ANKRD30BL: variants seen among roughly 807,000 people sequenced by gnomAD.
ANKRD30BL encodes the protein ankyrin repeat domain 30B like, also known as putative ankyrin repeat domain-containing protein 30B-like.
ANKRD30BL carries 20 observed loss-of-function variants against 18.4 expected under a neutral mutation model. The ratio of observed to expected loss-of-function variants is 1.09; its 90% CI spans 0.77 to 1.58. The LOEUF (loss-of-function observed/expected upper bound fraction) is 1.58. Among genes scored for constraint, ANKRD30BL ranks in the 40% most tolerant of loss-of-function variants. The pLI is 0.00. For missense variants in ANKRD30BL, 224 were observed against 268.6 expected, an observed-to-expected ratio of 0.83 and a Z score of 1.16; for synonymous variants, 72 against 100.9, an observed-to-expected ratio of 0.71 and a Z score of 1.72.
At chr2:132,192,685 C>G (rs538682133) in intron 1 of ANKRD30BL, among the ~76,000 whole-genome samples, 1 of 152,336 alleles carries the variant, frequency 6.6e-6, no homozygotes, top group Non-Finnish European at 1.5e-5. Flanking sequence ...TTTGCACCAG[C>G]AACCTTCCTT....
chr2:132,177,160 T>A (rs1573818043), intron 1 of ANKRD30BL, among the ~76,000 whole-genome samples: 1 of 152,142 alleles, frequency 6.6e-6, no homozygotes, highest in Admixed American at 6.6e-5. Context: ...CCTATTTTTT[T>A]TTTTTTATTT....
intron 1 of ANKRD30BL, among the ~76,000 whole-genome samples, chr2:132,252,871 C>G (rs1311067975): frequency 2.6e-5 from 4 of 152,176 alleles, no homozygotes; most frequent in African/African-American, 9.6e-5. Context: ...ATGGTGGCCA[C>G]AGGAACTCGG....
intron 1 of ANKRD30BL, among the ~76,000 whole-genome samples, chr2:132,233,603 T>C (rs1466493025): frequency 2.0e-5 from 3 of 150,914 alleles, no homozygotes; most frequent in African/African-American, 7.3e-5. Flanking sequence ...CATTACATAA[T>C]GGTAAAGGGA....
At chr2:132,174,631 G>A (rs1688331592) in intron 1 of ANKRD30BL, among the ~76,000 whole-genome samples, 1 of 152,200 alleles carries the variant, frequency 6.6e-6, no homozygotes, top group African/African-American at 2.4e-5. Context: ...AGGGCTACAA[G>A]AGGCGGCTAA....
intron 1 of ANKRD30BL, among the ~76,000 whole-genome samples, chr2:132,169,667 A>G (rs1688245462): frequency 6.9e-6 from 1 of 145,420 alleles, no homozygotes; most frequent in Non-Finnish European, 1.5e-5. Context: ...AAAAAAAAAA[A>G]AGAGGTGAAT....
At chr2:132,218,855 A>G (rs547792956) in intron 1 of ANKRD30BL, among the ~76,000 whole-genome samples, 97 of 152,272 alleles carry the variant, frequency 6.4e-4, no homozygotes, top group Non-Finnish European at 1.1e-3. Context: ...TGATGCGTAC[A>G]TTCAACTAAC....
At chr2:132,196,123 C>T (rs1465144026) in intron 1 of ANKRD30BL, among the ~76,000 whole-genome samples, 2 of 140,992 alleles carry the variant, frequency 1.4e-5, no homozygotes, top group African/African-American at 5.4e-5. Context: ...GCCTGGGCGA[C>T]AGAGCTAGAG....
chr2:132,248,703 A>G (rs1680569869), intron 1 of ANKRD30BL, among the ~76,000 whole-genome samples: 1 of 152,088 alleles, frequency 6.6e-6, no homozygotes, highest in Non-Finnish European at 1.5e-5. Context: ...GTCAAAGAAT[A>G]GAAACTTTTA....
chr2:132,185,259 G>A (rs935025667), intron 1 of ANKRD30BL, among the ~76,000 whole-genome samples: 3 of 152,228 alleles, frequency 2.0e-5, no homozygotes, highest in Non-Finnish European at 2.9e-5. Context: ...ACTGTGCTCC[G>A]GCTCAATCGG....
chr2:132,234,553 A>C (rs1341301235), intron 1 of ANKRD30BL, among the ~76,000 whole-genome samples: 2 of 152,206 alleles, frequency 1.3e-5, no homozygotes, highest in African/African-American at 4.8e-5. Context: ...AGAATACTAC[A>C]AACACCTCTA....
At position 132,250,343 on chromosome 2, in the gene ANKRD30BL, A is replaced by G. The variant is rs532106325; in HGVS notation, n.441+7186T>C. 1.4e-3 allele frequency among the ~76,000 whole-genome samples: 205 copies of G among 151,770 alleles called. 1 individual carries two copies. The highest frequency in any genetic ancestry group is 4.6e-3 in the African/African-American group (191 of 41,378). On this transcript the variant is annotated intron_variant and non_coding_transcript_variant, in intron 1 of 4. Coordinates refer to the ANKRD30BL transcript ENST00000470729. ...TTTATGTGAAGGTATTTCCTTTTTC[A>G]CCATGGCCTCAAAGCGCTCATAAAT...
chr2:132,160,488 G>C (rs1405558144), intron 1 of ANKRD30BL, among the ~76,000 whole-genome samples: 1 of 148,690 alleles, frequency 6.7e-6, no homozygotes, highest in Non-Finnish European at 1.5e-5. Context: ...ACCCAGGCTG[G>C]AGTGCAGTGG....
chr2:132,248,725 T>G (rs1415008344), intron 1 of ANKRD30BL, among the ~76,000 whole-genome samples: 2 of 152,110 alleles, frequency 1.3e-5, no homozygotes, highest in Non-Finnish European at 2.9e-5. Flanking sequence ...CTCTGTGAGA[T>G]GAATGCACAC....
At chr2:132,253,661 G>A (rs1680730809) in intron 1 of ANKRD30BL, among the ~76,000 whole-genome samples, 1 of 152,086 alleles carries the variant, frequency 6.6e-6, no homozygotes, top group Non-Finnish European at 1.5e-5. Flanking sequence ...CGGCAGGGGA[G>A]GCGAGGGAGG....
upstream of ANKRD30BL, among the ~76,000 whole-genome samples, chr2:132,162,523 G>A (rs3114249): frequency 6.6e-6 from 1 of 152,134 alleles, no homozygotes; most frequent in East Asian, 1.9e-4. Flanking sequence ...GAGGCTTTGC[G>A]GCAGGTTCCC....
chr2:132,248,733 C>G (rs566537285), intron 1 of ANKRD30BL, among the ~76,000 whole-genome samples: 3 of 152,102 alleles, frequency 2.0e-5, no homozygotes, highest in Admixed American at 6.6e-5. Context: ...GATGAATGCA[C>G]ACCTTGCAAA....
In ANKRD30BL at chr2:132,242,800, C is replaced by T. The variant is rs545525914; in HGVS notation, n.441+14729G>A. Among the ~76,000 whole-genome samples the T allele has an allele frequency of 2.9e-3, 437 of 150,812 alleles. 4 individuals carry two copies. The highest frequency in any genetic ancestry group is 1.0e-2 in the African/African-American group (412 of 41,332). On this transcript the variant is annotated intron_variant and non_coding_transcript_variant, in intron 1 of 4. Coordinates refer to the ANKRD30BL transcript ENST00000470729. ...AGACGTGAACCTTTCTTTTGATACACAACTTTTGAAACACTCTTTTTGTAG... is the reference window on the plus strand; with the variant it reads ...AGACGTGAACCTTTCTTTTGATACATAACTTTTGAAACACTCTTTTTGTAG...
At chr2:132,199,212 T>G (rs186201347) in intron 1 of ANKRD30BL, among the ~76,000 whole-genome samples, 1 of 151,852 alleles carries the variant, frequency 6.6e-6, no homozygotes, top group Non-Finnish European at 1.5e-5. Context: ...TAAAAAAAAT[T>G]AGCTTGGCTT....
At chr2:132,181,422 G>A (rs1197204079) in intron 1 of ANKRD30BL, among the ~76,000 whole-genome samples, 5 of 151,242 alleles carry the variant, frequency 3.3e-5, no homozygotes, top group South Asian at 4.2e-4. Flanking sequence ...GTAGTGAGTC[G>A]AGATCATGCC....
Sources: allele counts gnomAD v4.1 joint callset (sites outside exome capture counted in the v4.1 genomes callset), GRCh38; gene constraint gnomAD v4.1.1; transcripts MANE v1.5; gene names NCBI Gene and HGNC (gene_info 2026-07-23, HGNC 2026-07-21).